The following COL23A1 variants were observed in gnomAD, a reference collection of about 807,000 sequenced individuals.
COL23A1 encodes collagen alpha-1(XXIII) chain.
A neutral mutation model predicts 99.3 loss-of-function variants in COL23A1; 97 were observed. That is an observed-to-expected ratio of 0.98 (90% CI 0.83 to 1.16). The LOEUF is 1.16. Among genes scored for constraint, COL23A1 ranks in the 50% most tolerant of loss-of-function variants. COL23A1 has a pLI of 0.00. For synonymous variants in COL23A1, 320 were observed against 308.2 expected (o/e 1.04, Z -0.40); for missense variants, 762 against 757.4 (o/e 1.01, Z -0.07).
At chr5:178,240,105 C>T (rs546867116) in intron 27 of COL23A1, among the ~76,000 whole-genome samples, 5 of 152,280 alleles carry the variant, frequency 3.3e-5, no homozygotes, top group South Asian at 2.1e-4. Flanking sequence ...GGCTATCTAG[C>T]GGCACCTGTG....
intron 2 of COL23A1, among the ~76,000 whole-genome samples, chr5:178,317,816 G>C (rs1042968140): frequency 3.3e-5 from 5 of 152,182 alleles, no homozygotes; most frequent in Non-Finnish European, 7.3e-5. Flanking sequence ...GGCTGAGGAG[G>C]CCTCATAATC....
chr5:178,518,407 T>C (rs1026872727), intron 2 of COL23A1, among the ~76,000 whole-genome samples: 11 of 150,356 alleles, frequency 7.3e-5, no homozygotes, highest in Admixed American at 1.3e-4. Flanking sequence ...CAATGAGCTG[T>C]TGGGCACACC....
intron 1 of COL23A1, among the ~76,000 whole-genome samples, chr5:178,588,989 G>A (rs1764132778): frequency 1.3e-5 from 2 of 152,176 alleles, no homozygotes; most frequent in Non-Finnish European, 2.9e-5. Context: ...GGAGGCTCTG[G>A]CCAGCCCACC....
At chr5:178,369,513 T>A (rs1331032550) in intron 2 of COL23A1, among the ~76,000 whole-genome samples, 1 of 152,196 alleles carries the variant, frequency 6.6e-6, no homozygotes, top group East Asian at 1.9e-4. Context: ...TTTGGCTGTA[T>A]CCCCACCCAA....
At chr5:178,315,794 T>C (rs949911282) in intron 2 of COL23A1, among the ~76,000 whole-genome samples, 1 of 111,124 alleles carries the variant, frequency 9.0e-6, no homozygotes, top group Non-Finnish European at 1.9e-5. Context: ...TCAAGACAAA[T>C]AATCTTTTAT....
At position 178,324,337 on chromosome 5, in the gene COL23A1, G is replaced by A. The variant is rs7710843; in HGVS notation, c.362-17418C>T. 9.6e-3 allele frequency among the ~76,000 whole-genome samples: 1,454 copies of A among 152,222 alleles called. 28 individuals are homozygous for A. The highest frequency in any genetic ancestry group is 0.033 in the African/African-American group (1,378 of 41,534). On this transcript the variant is annotated intron_variant, in intron 2 of 28. Coordinates refer to ENST00000390654, the MANE Select transcript of COL23A1 (RefSeq NM_173465.4). ...CTTTAAATATTATTTTCTCTTTTACGAAATATTTCCAGCCTCATGTGCTTT... is the reference window on the plus strand; with the variant it reads ...CTTTAAATATTATTTTCTCTTTTACAAAATATTTCCAGCCTCATGTGCTTT...
chr5:178,399,026 C>T (rs1764297301), intron 2 of COL23A1, among the ~76,000 whole-genome samples: 1 of 152,254 alleles, frequency 6.6e-6, no homozygotes, highest in African/African-American at 2.4e-5. Context: ...CTTGCAGGGT[C>T]CCTGTGCACG....
rs1763933751 is a variant in COL23A1 at position 178,390,972 on chromosome 5, G to A, written c.362-84053C>T. 2.6e-5 allele frequency among the ~76,000 whole-genome samples: 4 copies of A among 152,312 alleles called. No homozygotes were observed. In the South Asian group the frequency reaches 6.2e-4, roughly 24 times the overall value. On this transcript the variant is annotated intron_variant, in intron 2 of 28. Transcript: ENST00000390654. ...TAAACTTTTGTGCCTTAAAACAGGG[G>A]CCCCAACCCCTGGGCTGTGGACCAG...
In COL23A1 at chr5:178,529,820, G is replaced by A. The variant is rs2647702; in HGVS notation, c.361+30862C>T. ...GTCCAGCATGGTGCCAGGCACACAA[G>A]AAAGGGCCAGTAGAAGCGTGTGGAT... On this transcript the variant is annotated intron_variant, in intron 2 of 28. Coordinates refer to ENST00000390654, the MANE Select transcript of COL23A1 (RefSeq NM_173465.4). 3.5e-3 allele frequency among the ~76,000 whole-genome samples: 527 copies of A among 152,328 alleles called. 2 individuals carry two copies. Among genetic ancestry groups the A allele is most frequent in the African/African-American group, 0.012 (497 of 41,570 alleles).
chr5:178,541,004 A>C (rs1761255878), intron 2 of COL23A1, among the ~76,000 whole-genome samples: 1 of 152,260 alleles, frequency 6.6e-6, no homozygotes, highest in Non-Finnish European at 1.5e-5. Context: ...GGGAATTGTC[A>C]AACATTTTAA....
intron 2 of COL23A1, among the ~76,000 whole-genome samples, chr5:178,335,041 C>T (rs1760245389): frequency 6.6e-6 from 1 of 152,194 alleles, no homozygotes; most frequent in East Asian, 1.9e-4. Context: ...TCCCTAAGAG[C>T]AGCCCTGAGG....
chr5:178,285,423 A>G (rs1194181067), intron 5 of COL23A1, among the ~76,000 whole-genome samples: 1 of 152,230 alleles, frequency 6.6e-6, no homozygotes, highest in Non-Finnish European at 1.5e-5. Context: ...CAAAAAACCA[A>G]AAAATGCTTT....
intron 1 of COL23A1, among the ~76,000 whole-genome samples, chr5:178,577,570 G>C (rs1424894089): frequency 6.6e-6 from 1 of 152,166 alleles, no homozygotes; most frequent in African/African-American, 2.4e-5. Context: ...CTGGGGAGGA[G>C]ACCTGGGGAA....
chr5:178,555,455 C>G (rs1762220920), intron 2 of COL23A1, among the ~76,000 whole-genome samples: 1 of 152,146 alleles, frequency 6.6e-6, no homozygotes. Context: ...ATAGGTCACT[C>G]CAGCAGAGGC....
intron 2 of COL23A1, among the ~76,000 whole-genome samples, chr5:178,332,567 C>T (rs1561869868): frequency 6.6e-6 from 1 of 152,204 alleles, no homozygotes; most frequent in Admixed American, 6.5e-5. Flanking sequence ...TCCTTCATGA[C>T]TCCCTGGCAG....
chr5:178,527,557 G>C (rs1562056019), intron 2 of COL23A1, among the ~76,000 whole-genome samples: 1 of 152,216 alleles, frequency 6.6e-6, no homozygotes, highest in Non-Finnish European at 1.5e-5. Flanking sequence ...GCTTGCCTGG[G>C]CACAGCACCA....
At chr5:178,322,606 TC>T (rs55908868) in intron 2 of COL23A1, among the ~76,000 whole-genome samples, 70,580 of 151,560 alleles carry the variant, frequency 0.47, 17,508 homozygotes, top group African/African-American at 0.64. Flanking sequence ...TGCCTGGGGG[TC>T]CCTGACCCCT....
chr5:178,383,676 G>A (rs1763505434), intron 2 of COL23A1, among the ~76,000 whole-genome samples: 1 of 152,178 alleles, frequency 6.6e-6, no homozygotes, highest in African/African-American at 2.4e-5. Flanking sequence ...GCCTGGAGCT[G>A]GAGCATCGTT....
chr5:178,264,072 G>T (rs901632471), intron 8 of COL23A1, among the ~76,000 whole-genome samples: 1 of 152,176 alleles, frequency 6.6e-6, no homozygotes, highest in Non-Finnish European at 1.5e-5. Context: ...GAAGGTGATT[G>T]TAACTACAAA....
Sources: gnomAD v4.1 joint callset for allele counts (sites outside exome capture counted in the v4.1 genomes callset) on GRCh38, gnomAD v4.1.1 for gene constraint, MANE v1.5 for transcripts, NCBI Gene and HGNC (gene_info 2026-07-23, HGNC 2026-07-21) for gene names.